GALNT7: variants seen among roughly 807,000 people sequenced by gnomAD.
GALNT7 encodes polypeptide N-acetylgalactosaminyltransferase 7, also known as N-acetylgalactosaminyltransferase 7.
In GALNT7, 60 loss-of-function variants were observed where a neutral mutation model predicts 82.1. That is an observed-to-expected ratio of 0.73 (90% confidence interval 0.59 to 0.91). The LOEUF is 0.91. Among genes scored for constraint, GALNT7 ranks in the 40% least tolerant of loss-of-function variants. The pLI, the probability that GALNT7 is intolerant of heterozygous loss-of-function variation, is 0.00. For synonymous variants in GALNT7, 243 were observed against 275.1 expected, an observed-to-expected ratio of 0.88 and a Z score of 1.15; for missense variants, 660 against 804.2, an observed-to-expected ratio of 0.82 and a Z score of 2.17.
At chr4:173,232,019 G>A (rs1331888476) in intron 1 of GALNT7, among the ~76,000 whole-genome samples, 1 of 152,168 alleles carries the variant, frequency 6.6e-6, no homozygotes, top group Admixed American at 6.5e-5. Flanking sequence ...GCAGATGGTG[G>A]GGGCTGAGTC....
rs34460464 is a variant in GALNT7 at position 173,295,400 on chromosome 4, C to T, written c.759C>T (p.His253=). ...VLIDDFSNKE[H]LKEKLDEYIK... Reference sequence around the variant, plus strand: ...TCGATTGATTTTTCTTAACAGAACACTTAAAAGAAAAACTGGATGAATATA... The same window carrying T: ...TCGATTGATTTTTCTTAACAGAACATTTAAAAGAAAAACTGGATGAATATA... The change falls in exon 4 of 12, where the codon CAC becomes CAT. Residue 253 remains histidine (H), a synonymous_variant. Transcript: ENST00000265000. 2.5e-6 allele frequency: 4 copies of T among 1,576,518 alleles called. No homozygotes were observed. Among genetic ancestry groups the T allele is most frequent in the Non-Finnish European group, 3.5e-6 (4 of 1,147,082 alleles).
At chr4:173,297,250 T>G (rs986831421) in intron 5 of GALNT7, among the ~76,000 whole-genome samples, 8 of 140,772 alleles carry the variant, frequency 5.7e-5, no homozygotes, top group East Asian at 2.0e-4. Context: ...TTTTTTTTTG[T>G]TTGTTTTGCA....
At chr4:173,198,089 T>C (rs1213076793) in intron 1 of GALNT7, among the ~76,000 whole-genome samples, 1 of 151,952 alleles carries the variant, frequency 6.6e-6, no homozygotes, top group African/African-American at 2.4e-5. Context: ...AGACGGAGTC[T>C]CGCTCTGTCA....
intron 2 of GALNT7, among the ~76,000 whole-genome samples, chr4:173,252,164 T>A (rs190327810): frequency 6.6e-6 from 1 of 152,370 alleles, no homozygotes; most frequent in East Asian, 1.9e-4. Flanking sequence ...AGCACTTGTC[T>A]GCTTTTACTA....
intron 1 of GALNT7, among the ~76,000 whole-genome samples, chr4:173,199,614 C>T (rs1732879908): frequency 6.6e-6 from 1 of 152,172 alleles, no homozygotes; most frequent in Non-Finnish European, 1.5e-5. Context: ...ACATGATCAC[C>T]CACACCATGT....
intron 9 of GALNT7, among the ~76,000 whole-genome samples, chr4:173,315,318 T>A (rs1737554778): frequency 6.6e-6 from 1 of 151,398 alleles, no homozygotes; most frequent in Non-Finnish European, 1.5e-5. Context: ...AGTAGGGGAG[T>A]GAATGGAGGG....
At chr4:173,240,099 C>CTTA (rs1734371277) in intron 1 of GALNT7, among the ~76,000 whole-genome samples, 2 of 152,112 alleles carry the variant, frequency 1.3e-5, no homozygotes, top group Admixed American at 1.3e-4. Flanking sequence ...AATATAGCCT[C>CTTA]TTATCTCTGA....
Position 173,269,379 on chromosome 4 carries a change from T to C in GALNT7, c.587+20939T>C, listed in dbSNP as rs935907703. 5.9e-5 allele frequency among the ~76,000 whole-genome samples: 9 copies of C among 152,256 alleles called. No individual in the cohort carries two copies. The East Asian group carries it at 1.4e-3, about 23-fold the overall frequency. ...TTTATCTTCCACCTCCTTTTATAGA[T>C]ACCTAACTGCTAAAATGGGCTTGGG... On this transcript the variant is annotated intron_variant, in intron 2 of 11. Coordinates refer to ENST00000265000, the MANE Select transcript of GALNT7 (RefSeq NM_017423.3).
Position 173,302,600 on chromosome 4 carries a change from G to A in GALNT7, c.1266+436G>A, listed in dbSNP as rs933492486. ...ACTGTATCCTCAGGCTGACTTTGGC[G>A]CTGTCTTCCTGCAGCATCCACCCTG... On this transcript the variant is annotated intron_variant, in intron 7 of 11. Coordinates refer to ENST00000265000, the MANE Select transcript of GALNT7 (RefSeq NM_017423.3). This position sits in a 1 kb window ranked among gnomAD's most constrained non-coding sequence, Gnocchi z 4.2. Among the ~76,000 whole-genome samples the A allele has an allele frequency of 3.3e-5, 5 of 152,298 alleles. No individual in the cohort carries two copies. The highest frequency in any genetic ancestry group is 2.1e-4 in the South Asian group (1 of 4,822).
chr4:173,290,904 G>A (rs1736508388), intron 2 of GALNT7, among the ~76,000 whole-genome samples: 1 of 152,122 alleles, frequency 6.6e-6, no homozygotes, highest in Non-Finnish European at 1.5e-5. Flanking sequence ...GCCTGCAGAT[G>A]TTCCCCAAAT....
intron 8 of GALNT7, among the ~76,000 whole-genome samples, chr4:173,305,484 T>TA (rs1036816152): frequency 6.6e-6 from 1 of 152,162 alleles, no homozygotes; most frequent in African/African-American, 2.4e-5. Flanking sequence ...TTGGGGTTGT[T>TA]ACATCCAAAA....
chr4:173,282,592 A>C (rs2126810484), intron 2 of GALNT7: 1 of 152,260 alleles, frequency 6.6e-6, no homozygotes, highest in African/African-American at 2.4e-5. Context: ...CTTGCTGGAG[A>C]GGAGCATTGT....
At chr4:173,259,907 G>A (rs1181373487) in intron 2 of GALNT7, among the ~76,000 whole-genome samples, 2 of 152,078 alleles carry the variant, frequency 1.3e-5, no homozygotes, top group Non-Finnish European at 2.9e-5. Flanking sequence ...CAAAGTACTG[G>A]GATTACAGGC....
chr4:173,261,390 G>T (rs114576008), intron 2 of GALNT7, among the ~76,000 whole-genome samples: 37 of 146,938 alleles, frequency 2.5e-4, no homozygotes, highest in Admixed American at 1.0e-3. Context: ...GTTTTTTTTT[G>T]TTTTTTTTTT....
Position 173,304,153 on chromosome 4 carries a change from C to T in GALNT7, c.1389+35C>T, listed in dbSNP as rs771857869. The T allele has an allele frequency of 1.9e-6, 3 of 1,594,854 alleles. No individual in the cohort carries two copies. In the South Asian group the frequency reaches 3.4e-5, roughly 18 times the overall value. On this transcript the variant is annotated intron_variant, in intron 8 of 11. Transcript: ENST00000265000. ...TTGGATAAAAGGGGAGGACAGGGAACTAACATTTATGTACCACATGCTATA... is the reference window on the plus strand; with the variant it reads ...TTGGATAAAAGGGGAGGACAGGGAATTAACATTTATGTACCACATGCTATA...
rs1339456306 is a variant in GALNT7, at chr4:173,168,844, G to T, written c.9G>T (p.Leu3=). The T allele has an allele frequency of 1.2e-6, 2 of 1,613,230 alleles. No individual in the cohort carries two copies. Among genetic ancestry groups the T allele is most frequent in the Non-Finnish European group, 1.7e-6 (2 of 1,179,540 alleles). The part of the protein sequence containing the change: MR[L]KIGFILRSLL... ...CTCGCCGCCGGAGGAAGATGAGGCT[G>T]AAGATTGGGTTCATCTTACGCAGTT... The change falls in exon 1 of 12, where the codon CTG becomes CTT. Residue 3 remains leucine (L), a synonymous_variant. Coordinates refer to ENST00000265000, the MANE Select transcript of GALNT7 (RefSeq NM_017423.3).
At chr4:173,237,587 A>T (rs1278608324) in intron 1 of GALNT7, among the ~76,000 whole-genome samples, 1 of 152,176 alleles carries the variant, frequency 6.6e-6, no homozygotes, top group African/African-American at 2.4e-5. Flanking sequence ...ATTTCCTATA[A>T]GGTTTTTAGG....
rs776877351 is a variant in GALNT7 at position 173,168,870 on chromosome 4, T to A, written c.35T>A (p.Leu12Ter). The A allele has an allele frequency of 6.2e-7, 1 of 1,613,654 alleles. No homozygotes were observed. The highest frequency in any genetic ancestry group is 1.1e-5 in the South Asian group (1 of 91,062). ...RLKIGFILRS[L>*]LVVGSFLGLV... Reference sequence around the variant, plus strand: ...AAGATTGGGTTCATCTTACGCAGTTTGCTGGTGGTGGGAAGCTTCCTGGGG... The same window carrying A: ...AAGATTGGGTTCATCTTACGCAGTTAGCTGGTGGTGGGAAGCTTCCTGGGG... Residue 12 changes from leucine to a stop codon, truncating the protein, a stop_gained, in exon 1 of 12, where the codon TTG becomes TAG. Coordinates refer to ENST00000265000, the MANE Select transcript of GALNT7 (RefSeq NM_017423.3). LOFTEE classifies it high-confidence loss of function.
chr4:173,224,901 G>A (rs1233047436), intron 1 of GALNT7, among the ~76,000 whole-genome samples: 1 of 151,758 alleles, frequency 6.6e-6, no homozygotes, highest in Non-Finnish European at 1.5e-5. Context: ...TGTAGTCCCA[G>A]CTACTCGGGA....
Sources: allele counts gnomAD v4.1 joint callset (sites outside exome capture counted in the v4.1 genomes callset), GRCh38; gene constraint gnomAD v4.1.1; non-coding constraint Gnocchi (gnomAD v3.1); transcripts MANE v1.5; gene names NCBI Gene and HGNC (gene_info 2026-07-23, HGNC 2026-07-21).